SCUBE1: variants seen among roughly 807,000 people sequenced by gnomAD.
SCUBE1 encodes the protein signal peptide, CUB domain and EGF like domain containing 1, also known as signal peptide, CUB and EGF-like domain-containing protein 1.
In SCUBE1, 59 loss-of-function variants were observed where a neutral mutation model predicts 124.4. The ratio of observed to expected loss-of-function variants is 0.47; its 90% CI spans 0.38 to 0.59. The LOEUF (loss-of-function observed/expected upper bound fraction) is 0.59. Ranked by LOEUF, SCUBE1 falls within the 20% of genes least tolerant of loss-of-function variation. SCUBE1 has a pLI of 0.00. For missense variants in SCUBE1, 1,150 were observed against 1,371.2 expected (o/e 0.84, Z 2.55); for synonymous variants, 545 against 550.9 (o/e 0.99, Z 0.15).
chr22:43,287,652 G>A (rs930748981), intron 4 of SCUBE1, among the ~76,000 whole-genome samples: 6 of 152,242 alleles, frequency 3.9e-5, no homozygotes, highest in South Asian at 4.1e-4. Flanking sequence ...TCCCTGTTCA[G>A]GGGTAGGCTC....
At chr22:43,248,428 C>T (rs532570964) in intron 6 of SCUBE1, among the ~76,000 whole-genome samples, 3 of 152,272 alleles carry the variant, frequency 2.0e-5, no homozygotes, top group Non-Finnish European at 2.9e-5. Flanking sequence ...ACCCACACTC[C>T]AGCCCTCCGC....
chr22:43,315,801 A>G (rs1222354515), intron 3 of SCUBE1, among the ~76,000 whole-genome samples: 1 of 152,140 alleles, frequency 6.6e-6, no homozygotes, highest in Non-Finnish European at 1.5e-5. Context: ...ATCAGTGTAA[A>G]CATAATCCAT....
At chr22:43,325,603 T>G (rs548548013) in intron 2 of SCUBE1, among the ~76,000 whole-genome samples, 1 of 152,090 alleles carries the variant, frequency 6.6e-6, no homozygotes, top group Non-Finnish European at 1.5e-5. Context: ...TTCACATGAA[T>G]GGAGAAAGTG....
chr22:43,340,350 G>A (rs933571635), intron 1 of SCUBE1, among the ~76,000 whole-genome samples: 12 of 152,044 alleles, frequency 7.9e-5, no homozygotes, highest in African/African-American at 2.4e-4. Context: ...GAGGGCTCCC[G>A]ACACTCTCTA....
chr22:43,323,922 A>G (rs1009686524), intron 2 of SCUBE1, among the ~76,000 whole-genome samples: 2 of 152,238 alleles, frequency 1.3e-5, no homozygotes, highest in Admixed American at 6.5e-5. Flanking sequence ...AACACATTTG[A>G]TAACTGTAGC....
intron 5 of SCUBE1, among the ~76,000 whole-genome samples, chr22:43,261,796 G>T (rs1923880521): frequency 1.3e-5 from 2 of 152,246 alleles, no homozygotes; most frequent in African/African-American, 4.8e-5. Flanking sequence ...GATGGAAAGT[G>T]CTTCCAGCAG....
chr22:43,285,916 T>C (rs746774161), intron 4 of SCUBE1, among the ~76,000 whole-genome samples: 27 of 152,204 alleles, frequency 1.8e-4, no homozygotes, highest in Non-Finnish European at 2.9e-4. Flanking sequence ...TGAACCTGGG[T>C]GCAAGGACCA....
intron 1 of SCUBE1, among the ~76,000 whole-genome samples, chr22:43,340,286 C>T (rs376754374): frequency 2.6e-5 from 4 of 152,122 alleles, no homozygotes; most frequent in East Asian, 1.9e-4. Context: ...GAAATCCACA[C>T]GTGAACCTGG....
intron 19 of SCUBE1, 107 bp from the exon 20 acceptor site, chr22:43,208,331 T>G (rs965638644): frequency 1.7e-5 from 18 of 1,037,062 alleles, no homozygotes; most frequent in African/African-American, 4.7e-5. Context: ...ACCGAACGCC[T>G]GGTCCCCCAA....
intron 7 of SCUBE1, among the ~76,000 whole-genome samples, chr22:43,235,616 A>G (rs1420572370): frequency 6.6e-6 from 1 of 152,174 alleles, no homozygotes; most frequent in Non-Finnish European, 1.5e-5. Context: ...GAAGAGGGGC[A>G]GGTGACCCTG....
At chr22:43,338,995 G>C in intron 2 of SCUBE1, 109 bp downstream of exon 2, 1 of 1,293,634 alleles carries the variant, frequency 7.7e-7, no homozygotes, top group African/African-American at 1.5e-5. Flanking sequence ...AACCACAATG[G>C]TGGTGCTGGA....
At chr22:43,294,401 T>TG (rs1601867734) in intron 3 of SCUBE1, among the ~76,000 whole-genome samples, 1 of 152,016 alleles carries the variant, frequency 6.6e-6, no homozygotes, top group East Asian at 2.0e-4. Flanking sequence ...ATGCCGCCCA[T>TG]GAGCCCAGGA....
At chr22:43,325,899 C>G (rs1351455418) in intron 2 of SCUBE1, among the ~76,000 whole-genome samples, 1 of 151,348 alleles carries the variant, frequency 6.6e-6, no homozygotes, top group Non-Finnish European at 1.5e-5. Flanking sequence ...TCCGTGCCAG[C>G]AACGCAGGTT....
chr22:43,313,613 C>G (rs1926244076), intron 3 of SCUBE1, among the ~76,000 whole-genome samples: 1 of 152,176 alleles, frequency 6.6e-6, no homozygotes, highest in African/African-American at 2.4e-5. Context: ...TAAAAGCAGC[C>G]ATTTGGGGTT....
At chr22:43,244,994 G>A (rs1336502609) in intron 6 of SCUBE1, among the ~76,000 whole-genome samples, 1 of 152,176 alleles carries the variant, frequency 6.6e-6, no homozygotes, top group Non-Finnish European at 1.5e-5. Flanking sequence ...CGGCAGATCT[G>A]GGGACCTCTG....
intron 20 of SCUBE1, 77 bp from the exon 21 acceptor site, chr22:43,207,690 T>C: frequency 8.9e-7 from 1 of 1,124,862 alleles, no homozygotes; most frequent in East Asian, 2.4e-5. Context: ...CTCCAGCCTC[T>C]GCCCTCCCTC....
chr22:43,308,293 G>A (rs560391564), intron 3 of SCUBE1, among the ~76,000 whole-genome samples: 10 of 152,188 alleles, frequency 6.6e-5, no homozygotes, highest in Non-Finnish European at 1.3e-4. Flanking sequence ...CCAACTGAGC[G>A]TGTTTAGAGC....
chr22:43,261,645 A>G (rs1232131752), intron 5 of SCUBE1, among the ~76,000 whole-genome samples: 1 of 152,224 alleles, frequency 6.6e-6, no homozygotes, highest in Non-Finnish European at 1.5e-5. Flanking sequence ...TCTTTATGAC[A>G]GCGGGGCAGC....
chr22:43,243,833 T>C (rs998713866), intron 6 of SCUBE1, among the ~76,000 whole-genome samples: 7 of 152,228 alleles, frequency 4.6e-5, no homozygotes, highest in African/African-American at 1.7e-4. Flanking sequence ...CTTTGGAAGC[T>C]GCTCTGCGAT....
Sources: allele counts gnomAD v4.1 joint callset (sites outside exome capture counted in the v4.1 genomes callset), GRCh38; gene constraint gnomAD v4.1.1; transcripts MANE v1.5; gene names NCBI Gene and HGNC (gene_info 2026-07-23, HGNC 2026-07-21).